The following AGBL2 variants were observed in gnomAD, a reference collection of about 807,000 sequenced individuals.
The protein encoded by AGBL2 is cytosolic carboxypeptidase 2.
A neutral mutation model predicts 103.0 loss-of-function variants in AGBL2; 87 were observed. The ratio of observed to expected loss-of-function variants is 0.84; its 90% confidence interval spans 0.71 to 1.01. AGBL2 has a LOEUF of 1.01. AGBL2 is among the 50% of genes least tolerant of loss of function. AGBL2 has a pLI of 0.00. For missense variants in AGBL2, 904 were observed against 1,023.5 expected, an observed-to-expected ratio of 0.88 and a Z score of 1.59; for synonymous variants, 335 against 356.7, an observed-to-expected ratio of 0.94 and a Z score of 0.69.
chr11:47,666,911 G>A (rs2097342707), intron 17 of AGBL2, 45 bp downstream of exon 17: 1 of 1,235,178 alleles, frequency 8.1e-7, no homozygotes, highest in African/African-American at 1.5e-5. Flanking sequence ...TAATTCGAGA[G>A]GTTAGAGAAT....
chr11:47,674,049 G>A (rs1276344922), intron 14 of AGBL2, among the ~76,000 whole-genome samples: 3 of 151,834 alleles, frequency 2.0e-5, no homozygotes, highest in African/African-American at 4.8e-5. Flanking sequence ...TGGAGATCAC[G>A]CCATTGCACT....
At chr11:47,702,664 A>G (rs1300411536) in intron 7 of AGBL2, among the ~76,000 whole-genome samples, 1 of 151,958 alleles carries the variant, frequency 6.6e-6, no homozygotes, top group Non-Finnish European at 1.5e-5. Context: ...TCATGAGGTC[A>G]GGAGTTCGAG....
At chr11:47,693,327 C>G (rs911877348) in intron 8 of AGBL2, among the ~76,000 whole-genome samples, 15 of 152,034 alleles carry the variant, frequency 9.9e-5, no homozygotes. Context: ...CTGCCCGGCT[C>G]ATTTGTTTTA....
intron 17 of AGBL2, among the ~76,000 whole-genome samples, chr11:47,664,704 C>T (rs531008879): frequency 6.6e-6 from 1 of 151,958 alleles, no homozygotes; most frequent in African/African-American, 2.4e-5. Context: ...AGCCACTGTG[C>T]CCAGCCCACA....
intron 9 of AGBL2, among the ~76,000 whole-genome samples, chr11:47,691,729 A>AAAAAAAAATATATATATATATATATAT: frequency 2.1e-4 from 1 of 4,856 alleles, no homozygotes; most frequent in Non-Finnish European, 3.6e-4. Context: ...AAAAAAAAAA[A>AAAAAAAAATATATATATATATATATAT]ATATATATAT....
intron 14 of AGBL2, among the ~76,000 whole-genome samples, chr11:47,676,831 A>G (rs996373080): frequency 7.9e-5 from 12 of 151,752 alleles, no homozygotes; most frequent in East Asian, 5.8e-4. Context: ...AAAAAAAAAA[A>G]AAAGAAACTA....
intron 8 of AGBL2, among the ~76,000 whole-genome samples, chr11:47,698,233 C>T (rs2097484431): frequency 7.2e-6 from 1 of 139,320 alleles, no homozygotes; most frequent in Non-Finnish European, 1.5e-5. Flanking sequence ...GAGTGCATGG[C>T]ACGATCTTGG....
At chr11:47,713,533 T>A (rs1315245325) in intron 3 of AGBL2, among the ~76,000 whole-genome samples, 1 of 150,460 alleles carries the variant, frequency 6.6e-6, no homozygotes, top group Non-Finnish European at 1.5e-5. Flanking sequence ...TCAAAATAAA[T>A]AAAAAATAAA....
chr11:47,708,597 C>T (rs568090910), intron 4 of AGBL2, among the ~76,000 whole-genome samples: 12 of 150,962 alleles, frequency 7.9e-5, no homozygotes, highest in Non-Finnish European at 1.6e-4. Context: ...AGGCGGGTCG[C>T]GAGGTCAAGA....
chr11:47,665,965 C>T (rs1374612796), intron 17 of AGBL2, among the ~76,000 whole-genome samples: 5 of 152,006 alleles, frequency 3.3e-5, no homozygotes, highest in South Asian at 2.1e-4. Flanking sequence ...GCTGAGATCG[C>T]GCCACTGAAC....
intron 8 of AGBL2, among the ~76,000 whole-genome samples, chr11:47,696,028 A>AT (rs2097470290): frequency 1.2e-4 from 1 of 8,224 alleles, no homozygotes; most frequent in Non-Finnish European, 3.8e-4. Context: ...AAAAAAAAAA[A>AT]AAAAAAAAGA....
At chr11:47,682,779 C>T in intron 11 of AGBL2, among the ~76,000 whole-genome samples, 1 of 152,060 alleles carries the variant, frequency 6.6e-6, no homozygotes, top group East Asian at 1.9e-4. Context: ...AAAGATTTTG[C>T]AGTTGGAAAG....
intron 18 of AGBL2, among the ~76,000 whole-genome samples, chr11:47,662,778 G>A (rs2097331443): frequency 6.6e-6 from 1 of 152,152 alleles, no homozygotes; most frequent in South Asian, 2.1e-4. Context: ...ACAGGCATGA[G>A]CCACTGTGCC....
At position 47,699,537 on chromosome 11, in the gene AGBL2, T is replaced by A. The variant is rs1298027421; in HGVS notation, c.603A>T (p.Gln201His). ...NIHHIEWAPP[Q>H]PEYFYQPKGN... ...CTTTAGGCTGATAGAAATATTCTGGTTGAGGTGGAGCCCACTCTGAAAGAA... is the reference window on the plus strand; with the variant it reads ...CTTTAGGCTGATAGAAATATTCTGGATGAGGTGGAGCCCACTCTGAAAGAA... The change falls in exon 8 of 19, where the codon CAA becomes CAT. Residue 201 changes from glutamine (Q) to histidine (H), a missense_variant. Gln to His is a conservative substitution (Grantham distance 24). Transcript: ENST00000525123. The A allele has an allele frequency of 1.2e-6, 2 of 1,605,614 alleles. No homozygotes were observed. Among genetic ancestry groups the A allele is most frequent in the East Asian group, 2.2e-5 (1 of 44,562 alleles).
At chr11:47,672,927 G>C (rs976833255) in intron 14 of AGBL2, among the ~76,000 whole-genome samples, 20 of 152,150 alleles carry the variant, frequency 1.3e-4, no homozygotes, top group Admixed American at 1.3e-3. Flanking sequence ...GGTCATCCAC[G>C]AGGCACTTTA....
At chr11:47,663,257 AAAG>A in intron 17 of AGBL2, 145 bp from the exon 18 acceptor site, 1 of 595,154 alleles carries the variant, frequency 1.7e-6, no homozygotes, top group South Asian at 2.3e-5. Flanking sequence ...AACATAATTC[AAAG>A]AAGGAAAAAC....
Position 47,667,023 on chromosome 11 carries a change from G to T in AGBL2, c.2381C>A (p.Thr794Asn), listed in dbSNP as rs772688362. The change falls in exon 17 of 19, where the codon ACC (threonine) becomes AAC (asparagine). Residue 794 changes from threonine (T) to asparagine (N), a missense_variant. Transcript: ENST00000525123. ...GFASTLQKQP[T>N]FFKNSENSSF... Reference sequence around the variant, plus strand: ...GGAATTCTCTGAGTTTTTGAAAAAGGTTGGCTGCTTTTGCAGAGTAGAAGC... The same window carrying T: ...GGAATTCTCTGAGTTTTTGAAAAAGTTTGGCTGCTTTTGCAGAGTAGAAGC... 6.2e-7 allele frequency: 1 copy of T among 1,613,228 alleles called. No homozygotes were observed. Among genetic ancestry groups the T allele is most frequent in the Non-Finnish European group, 8.5e-7 (1 of 1,179,794 alleles).
chr11:47,682,064 T>G lies in AGBL2; in HGVS notation c.1820A>C (p.Gln607Pro). 1 of 1,614,148 alleles carries G rather than the reference T, an allele frequency of 6.2e-7. No homozygotes were observed. The highest frequency in any genetic ancestry group is 8.5e-7 in the Non-Finnish European group (1 of 1,179,998). The change falls in exon 12 of 19, where the codon CAA (glutamine) becomes CCA (proline). Residue 607 changes from glutamine (Q) to proline (P), a missense_variant. Transcript: ENST00000525123. ...FSFHSCNFKV[Q>P]KCKEGTGRVV... ...TCGTCCTGTTCCTTCTTTGCATTTT[T>G]GGACCTTAAAATTACAACTGTGAAA... is the stretch of plus-strand genomic sequence containing the variant.
At chr11:47,663,631 A>G in intron 17 of AGBL2, among the ~76,000 whole-genome samples, 1 of 149,964 alleles carries the variant, frequency 6.7e-6, no homozygotes, top group East Asian at 2.0e-4. Flanking sequence ...ATCTTGGCTC[A>G]CTGCAACCTC....
Sources: allele counts gnomAD v4.1 joint callset (sites outside exome capture counted in the v4.1 genomes callset), GRCh38; gene constraint gnomAD v4.1.1; transcripts MANE v1.5; gene names NCBI Gene and HGNC (gene_info 2026-07-23, HGNC 2026-07-21).